The following SLC4A4 variants were observed in gnomAD, a reference collection of about 807,000 sequenced individuals.
SLC4A4 encodes the protein solute carrier family 4 member 4.
SLC4A4 carries 27 observed loss-of-function variants against 111.5 expected under a neutral mutation model. The ratio of observed to expected loss-of-function variants is 0.24; its 90% confidence interval spans 0.18 to 0.33. The LOEUF is 0.33. SLC4A4 is among the 10% of genes least tolerant of loss of function. The probability of loss-of-function intolerance (pLI) is 1.00; values close to 1 mark genes in which losing one functional copy is unlikely to be tolerated. For missense variants in SLC4A4, 909 were observed against 1,315.5 expected, an observed-to-expected ratio of 0.69 and a Z score of 4.78; for synonymous variants, 443 against 463.4, an observed-to-expected ratio of 0.96 and a Z score of 0.57.
At chr4:71,227,284 GA>G (rs1719112112) in intron 1 of SLC4A4, among the ~76,000 whole-genome samples, 1 of 152,198 alleles carries the variant, frequency 6.6e-6, no homozygotes, top group Admixed American at 6.5e-5. Context: ...ATGGCATGGG[GA>G]TGGTAGGACC....
At chr4:71,564,266 A>G (rs1248393039) in intron 24 of SLC4A4, among the ~76,000 whole-genome samples, 1 of 151,762 alleles carries the variant, frequency 6.6e-6, no homozygotes, top group Non-Finnish European at 1.5e-5. Flanking sequence ...ACTAGTGATC[A>G]AATCAGCTCA....
At chr4:71,555,023 C>T in intron 20 of SLC4A4, 117 bp from the exon 21 acceptor site, 2 of 774,664 alleles carry the variant, frequency 2.6e-6, no homozygotes, top group South Asian at 1.4e-5. Context: ...TTAGAGGTCA[C>T]TAAGTTATTA....
chr4:71,128,455 T>A (rs939882089), intron 2 of SLC4A4, among the ~76,000 whole-genome samples: 1 of 151,962 alleles, frequency 6.6e-6, no homozygotes, highest in Non-Finnish European at 1.5e-5. Flanking sequence ...TCAAAGACCC[T>A]GTCTCAAAAA....
intron 2 of SLC4A4, among the ~76,000 whole-genome samples, chr4:71,122,756 G>A (rs9993302): frequency 0.028 from 4,322 of 152,068 alleles, 80 homozygotes; most frequent in Middle Eastern, 0.058. Flanking sequence ...ATCCCCCCTC[G>A]GCATCTCCTT....
At chr4:71,108,830 T>G (rs1044401137) in intron 2 of SLC4A4, among the ~76,000 whole-genome samples, 7 of 152,134 alleles carry the variant, frequency 4.6e-5, no homozygotes, top group Non-Finnish European at 8.8e-5. Flanking sequence ...TCTTTTTGGT[T>G]TCCTTTCAGG....
chr4:71,240,947 A>G (rs113585541), intron 2 of SLC4A4, among the ~76,000 whole-genome samples: 9 of 151,766 alleles, frequency 5.9e-5, no homozygotes, highest in African/African-American at 1.9e-4. Context: ...GCAAAACCCC[A>G]TGTCTACAGA....
At chr4:71,458,647 A>G (rs1726517362) in intron 12 of SLC4A4, among the ~76,000 whole-genome samples, 1 of 152,106 alleles carries the variant, frequency 6.6e-6, no homozygotes, top group Non-Finnish European at 1.5e-5. Context: ...ACTTTATTTT[A>G]ACATAAAGCT....
chr4:71,517,593 C>T (rs4311281), intron 16 of SLC4A4, among the ~76,000 whole-genome samples: 61,920 of 151,808 alleles, frequency 0.41, 15,156 homozygotes, highest in African/African-American at 0.64. Context: ...TTGAATTCTT[C>T]GATAGTTCAT....
At chr4:71,334,206 C>T (rs2148882918) in intron 3 of SLC4A4, among the ~76,000 whole-genome samples, 1 of 152,146 alleles carries the variant, frequency 6.6e-6, no homozygotes, top group African/African-American at 2.4e-5. Context: ...TATTCAAAGC[C>T]CAAGGTCTCT....
At chr4:71,213,525 A>G (rs773597878) in intron 1 of SLC4A4, among the ~76,000 whole-genome samples, 2 of 152,152 alleles carry the variant, frequency 1.3e-5, no homozygotes, top group Non-Finnish European at 2.9e-5. Context: ...CTTTATTAAG[A>G]GTCATTTCTG....
At chr4:71,102,634 G>T (rs1389229648) in intron 2 of SLC4A4, among the ~76,000 whole-genome samples, 7 of 151,244 alleles carry the variant, frequency 4.6e-5, no homozygotes, top group South Asian at 2.1e-4. Context: ...TTAAAGAAAA[G>T]AATTTTCAAC....
intron 16 of SLC4A4, among the ~76,000 whole-genome samples, chr4:71,504,871 C>T (rs1301060387): frequency 6.6e-6 from 1 of 152,056 alleles, no homozygotes; most frequent in Non-Finnish European, 1.5e-5. Context: ...CTGATTCTCT[C>T]CCTCTTCCCA....
At chr4:71,416,747 G>C (rs147943149) in intron 7 of SLC4A4, among the ~76,000 whole-genome samples, 64 of 152,070 alleles carry the variant, frequency 4.2e-4, no homozygotes, top group African/African-American at 1.5e-3. Flanking sequence ...GAAGCTCTTT[G>C]TGCCTGTTGG....
intron 7 of SLC4A4, among the ~76,000 whole-genome samples, chr4:71,428,762 G>A (rs1441831031): frequency 1.3e-5 from 2 of 152,000 alleles, no homozygotes; most frequent in African/African-American, 4.8e-5. Flanking sequence ...ATGAGGCAGG[G>A]TAAATAGAAA....
At chr4:71,085,742 T>A (rs1341801670) in intron 1 of SLC4A4, among the ~76,000 whole-genome samples, 4 of 152,060 alleles carry the variant, frequency 2.6e-5, no homozygotes, top group Admixed American at 6.6e-5. Context: ...TTCTGAGGGC[T>A]CTGTTCTGTT....
chr4:71,432,632 C>CT (rs925165069), intron 7 of SLC4A4, among the ~76,000 whole-genome samples: 2 of 151,738 alleles, frequency 1.3e-5, no homozygotes, highest in South Asian at 2.1e-4. Flanking sequence ...CTTCTCTTTG[C>CT]TTTTTTTTCT....
intron 2 of SLC4A4, among the ~76,000 whole-genome samples, chr4:71,129,320 T>A (rs1051487730): frequency 1.3e-5 from 2 of 152,002 alleles, no homozygotes; most frequent in Admixed American, 1.3e-4. Context: ...AAACAGACAC[T>A]TATCAAAAGG....
intron 1 of SLC4A4, among the ~76,000 whole-genome samples, chr4:71,080,678 T>C (rs775915565): frequency 3.9e-5 from 6 of 152,058 alleles, no homozygotes; most frequent in Non-Finnish European, 8.8e-5. Flanking sequence ...GTTAGTGTTC[T>C]GGGGTGAGTT....
rs144619721 is a variant in SLC4A4, at chr4:71,232,587, A to G, written c.-1-3989A>G. Among the ~76,000 whole-genome samples, 39 of 152,160 alleles carry G rather than the reference A, an allele frequency of 2.6e-4. No individual in the cohort carries two copies. The South Asian group carries it at 3.5e-3, about 14-fold the overall frequency. On this transcript the variant is annotated intron_variant, in intron 1 of 25. Transcript: ENST00000264485. ...CCACTGCACATAGCTAATTTGGAAA[A>G]AAAAATTTCAGAGATGGGTCTTGCT...
Sources: allele counts gnomAD v4.1 joint callset (sites outside exome capture counted in the v4.1 genomes callset), GRCh38; gene constraint gnomAD v4.1.1; transcripts MANE v1.5; gene names NCBI Gene and HGNC (gene_info 2026-07-23, HGNC 2026-07-21).